Variants in SNX29 observed in about 807,000 individuals in gnomAD.
SNX29 encodes sorting nexin-29.
In SNX29, 78 loss-of-function variants were observed where a neutral mutation model predicts 102.1. The observed-to-expected ratio is 0.76, with a 90% CI of 0.64 to 0.92. SNX29 has a LOEUF of 0.92. Among genes scored for constraint, SNX29 ranks in the 40% least tolerant of loss-of-function variants. The pLI, the probability that SNX29 is intolerant of heterozygous loss-of-function variation, is 0.00. For synonymous variants in SNX29, 580 were observed against 414.5 expected (o/e 1.40, Z -4.85); for missense variants, 1,280 against 1,061.7 (o/e 1.21, Z -2.86).
chr16:11,982,534 A>G (rs986879338), intron 1 of SNX29, among the ~76,000 whole-genome samples: 6 of 148,524 alleles, frequency 4.0e-5, no homozygotes, highest in Non-Finnish European at 8.9e-5. Context: ...GGTTCAGGCC[A>G]TTCTCCTGCC....
intron 20 of SNX29, among the ~76,000 whole-genome samples, chr16:12,558,979 CTTTAAAGAAA>C (rs2078549251): frequency 6.6e-6 from 1 of 152,178 alleles, no homozygotes; most frequent in African/African-American, 2.4e-5. Flanking sequence ...GATTCAGAGA[CTTTAAAGAAA>C]TTTACACAGT....
intron 16 of SNX29, among the ~76,000 whole-genome samples, chr16:12,390,176 G>A (rs1034913648): frequency 6.6e-6 from 1 of 151,734 alleles, no homozygotes; most frequent in African/African-American, 2.4e-5. Context: ...GTGTGTGTGT[G>A]TGTGTATGTA....
intron 18 of SNX29, among the ~76,000 whole-genome samples, chr16:12,457,876 A>G (rs1480052757): frequency 3.3e-5 from 5 of 152,322 alleles, no homozygotes; most frequent in Admixed American, 3.3e-4. Flanking sequence ...GTGCAATTTG[A>G]TTGCGTGGGG....
At chr16:12,383,823 C>A (rs1009083502) in intron 16 of SNX29, among the ~76,000 whole-genome samples, 2 of 124,194 alleles carry the variant, frequency 1.6e-5, no homozygotes, top group Non-Finnish European at 3.3e-5. Flanking sequence ...TTCATTCTTG[C>A]TATTTTTTGT....
intron 20 of SNX29, among the ~76,000 whole-genome samples, chr16:12,559,706 CCA>C (rs2078604118): frequency 6.6e-6 from 1 of 152,100 alleles, no homozygotes; most frequent in Non-Finnish European, 1.5e-5. Context: ...TTCCCATCTC[CCA>C]TGGTGAGAAC....
At chr16:12,009,859 C>T (rs923144255) in intron 3 of SNX29, among the ~76,000 whole-genome samples, 1 of 152,226 alleles carries the variant, frequency 6.6e-6, no homozygotes, top group African/African-American at 2.4e-5. Flanking sequence ...GAAGTTACCT[C>T]AAAGACTAGA....
intron 19 of SNX29, among the ~76,000 whole-genome samples, chr16:12,490,687 G>T (rs183574580): frequency 3.8e-4 from 58 of 152,262 alleles, no homozygotes; most frequent in African/African-American, 1.3e-3. Flanking sequence ...AGAATACAAA[G>T]AATAGGATAC....
At chr16:12,479,390 A>G (rs143786369) in intron 19 of SNX29, among the ~76,000 whole-genome samples, 2 of 152,360 alleles carry the variant, frequency 1.3e-5, no homozygotes, top group South Asian at 2.1e-4. Context: ...AGGGAAATCT[A>G]TTCCCAACCC....
Position 12,043,047 on chromosome 16 carries a change from A to C in SNX29, c.398A>C (p.His133Pro), listed in dbSNP as rs1306883691. ...GAACACTCCCTGGAGCGCTACCTGC[A>C]CATGCTCCTGGCCGACCGCTGCAGG... The part of the protein sequence containing the change: ...LNEHSLERYL[H>P]MLLADRCRLS... The change falls in exon 5 of 21, where the codon CAC (histidine) becomes CCC (proline). Residue 133 changes from histidine (H) to proline (P), a missense_variant. Physicochemically the swap from His to Pro is moderately conservative, Grantham distance 77. Coordinates refer to ENST00000566228, the MANE Select transcript of SNX29 (RefSeq NM_032167.5). 4 of 1,613,372 alleles carry C rather than the reference A, an allele frequency of 2.5e-6. No individual in the cohort carries two copies. Among genetic ancestry groups the C allele is most frequent in the Non-Finnish European group, 3.4e-6 (4 of 1,179,864 alleles).
chr16:12,396,908 A>G (rs1348864795), intron 16 of SNX29, among the ~76,000 whole-genome samples: 1 of 152,200 alleles, frequency 6.6e-6, no homozygotes, highest in Non-Finnish European at 1.5e-5. Flanking sequence ...AATTCTCTTA[A>G]CTTTCTTTAT....
intron 15 of SNX29, among the ~76,000 whole-genome samples, chr16:12,286,236 A>G (rs906093569): frequency 6.6e-6 from 1 of 152,024 alleles, no homozygotes; most frequent in East Asian, 1.9e-4. Flanking sequence ...TGGAGTGTTT[A>G]AGTGTCTCCT....
chr16:12,571,710 G>A lies in SNX29; in HGVS notation c.*3081G>A. 1 of 1,058,320 alleles carries A rather than the reference G, an allele frequency of 9.4e-7. No individual in the cohort carries two copies. Among genetic ancestry groups the A allele is most frequent in the Non-Finnish European group, 1.1e-6 (1 of 874,076 alleles). The allele number at this position is 1,058,320 out of a possible 1,614,324, so 65.6% of individuals were successfully genotyped here. On this transcript the variant is annotated 3_prime_UTR_variant, in exon 21 of 21. Transcript: ENST00000566228. ...CTTGAGAGACAACAAAAGCTTCTAAGGGAGGGAGCTTAAAGGCTGCTAGAA... is the reference window on the plus strand; with the variant it reads ...CTTGAGAGACAACAAAAGCTTCTAAAGGAGGGAGCTTAAAGGCTGCTAGAA...
intron 20 of SNX29, chr16:12,561,178 G>C (rs1277536005): frequency 8.7e-6 from 2 of 230,012 alleles, no homozygotes; most frequent in African/African-American, 2.2e-5. Flanking sequence ...ATTCAGCCTG[G>C]CATGCTCTGA....
chr16:12,112,030 C>T (rs1363261642), intron 11 of SNX29, among the ~76,000 whole-genome samples: 1 of 152,212 alleles, frequency 6.6e-6, no homozygotes, highest in East Asian at 1.9e-4. Context: ...AGAGGATGCA[C>T]ACAGAGGTTG....
rs148121645 is a variant in SNX29, at chr16:12,082,089, C to T, written c.1402+3174C>T. The stretch of plus-strand genomic sequence containing the variant: ...GCTGGGATCTAACGCCACATCGCTT[C>T]CCAGCACCTATGATTCTGTCTCTGT... On this transcript the variant is annotated intron_variant, in intron 11 of 20. Coordinates refer to ENST00000566228, the MANE Select transcript of SNX29 (RefSeq NM_032167.5). Among the ~76,000 whole-genome samples the T allele has an allele frequency of 9.2e-5, 14 of 152,284 alleles. No homozygotes were observed. In the East Asian group the frequency reaches 2.7e-3, roughly 29 times the overall value.
chr16:12,034,484 G>A (rs1373680622), intron 4 of SNX29, among the ~76,000 whole-genome samples: 1 of 152,230 alleles, frequency 6.6e-6, no homozygotes, highest in Non-Finnish European at 1.5e-5. Flanking sequence ...CTTTAGGGAG[G>A]AAGTCAGAAG....
At chr16:12,385,986 C>G (rs577641820) in intron 16 of SNX29, among the ~76,000 whole-genome samples, 1 of 152,348 alleles carries the variant, frequency 6.6e-6, no homozygotes, top group African/African-American at 2.4e-5. Flanking sequence ...GTCTGCGAAC[C>G]CAGCTCAATA....
intron 19 of SNX29, among the ~76,000 whole-genome samples, chr16:12,492,956 AGGTAGGGTGATGCCTCCAGCTTT>A (rs2088625837): frequency 1.3e-5 from 2 of 152,256 alleles, no homozygotes; most frequent in Admixed American, 6.5e-5. Flanking sequence ...GTTTGAAGTC[AGGTAGGGTGATGCCTCCAGCTTT>A]GTTCTTTTTG....
chr16:12,480,542 G>A (rs1419486833), intron 19 of SNX29, among the ~76,000 whole-genome samples: 1 of 152,116 alleles, frequency 6.6e-6, no homozygotes, highest in Non-Finnish European at 1.5e-5. Context: ...CACATCTGCT[G>A]AGTCCCTTTG....
Sources: allele counts gnomAD v4.1 joint callset (sites outside exome capture counted in the v4.1 genomes callset), GRCh38; gene constraint gnomAD v4.1.1; transcripts MANE v1.5; gene names NCBI Gene and HGNC (gene_info 2026-07-23, HGNC 2026-07-21).